Variants in SYT2 observed in about 807,000 individuals in gnomAD.
The protein encoded by SYT2 is synaptotagmin-2.
Under a neutral mutation model 39.9 loss-of-function variants are expected in SYT2, and 15 were observed. That is an observed-to-expected ratio of 0.38 (90% CI 0.25 to 0.58). The LOEUF (loss-of-function observed/expected upper bound fraction) is 0.58, where lower values mean the gene tolerates loss of function less well. SYT2 is among the 20% of genes least tolerant of loss of function. SYT2 has a pLI of 0.70. For missense variants in SYT2, 389 were observed against 530.3 expected, an observed-to-expected ratio of 0.73 and a Z score of 2.62; for synonymous variants, 181 against 204.5, an observed-to-expected ratio of 0.89 and a Z score of 0.98.
chr1:202,675,735 C>T (rs946769970), intron 1 of SYT2, among the ~76,000 whole-genome samples: 4 of 152,180 alleles, frequency 2.6e-5, no homozygotes, highest in Non-Finnish European at 4.4e-5. Flanking sequence ...TACCCCATTT[C>T]CTCTAACCGG....
At chr1:202,637,119 C>T (rs1277724816) in intron 1 of SYT2, among the ~76,000 whole-genome samples, 6 of 152,070 alleles carry the variant, frequency 3.9e-5, no homozygotes. Flanking sequence ...CCCAGGAGTT[C>T]GAGCCCAGCC....
chr1:202,612,663 G>A (rs1387161010), intron 1 of SYT2, among the ~76,000 whole-genome samples: 2 of 152,140 alleles, frequency 1.3e-5, no homozygotes, highest in Non-Finnish European at 2.9e-5. Context: ...CACTGCACCA[G>A]GCCTGTTCTT....
In SYT2 at chr1:202,599,978, C is replaced by T. The variant is rs1178788291; in HGVS notation, c.919+379G>A. Reference sequence around the variant, plus strand: ...TTGCCTCACCCTCCCCTTTCCAGGGCAGAGCCAGCAGAGCCTACAGCCTCT... The same window carrying T: ...TTGCCTCACCCTCCCCTTTCCAGGGTAGAGCCAGCAGAGCCTACAGCCTCT... On this transcript the variant is annotated intron_variant, in intron 7 of 8. Coordinates refer to ENST00000367268, the MANE Select transcript of SYT2 (RefSeq NM_177402.5). The surrounding 1 kb of genome is among the most constrained non-coding windows in gnomAD (Gnocchi z 4.4). 6.6e-6 allele frequency among the ~76,000 whole-genome samples: 1 copy of T among 152,254 alleles called. No individual in the cohort carries two copies. Among genetic ancestry groups the T allele is most frequent in the Non-Finnish European group, 1.5e-5 (1 of 68,048 alleles).
intron 1 of SYT2, among the ~76,000 whole-genome samples, chr1:202,626,398 CTTTTTTTTTTTTTTTT>C (rs58802666): frequency 1.4e-5 from 1 of 72,432 alleles, no homozygotes; most frequent in African/African-American, 4.8e-5. Context: ...AGCCTCTCAG[CTTTTTTTTTTTTTTTT>C]TTTTTTTTTT....
At position 202,596,298 on chromosome 1, in the gene SYT2, CACACACACAT is replaced by C. The variant is rs1290819461; in HGVS notation, c.*449_*458del. ...ACACACACACACACACACACACACA[CACACACACAT>C]ACACACACACACACACACACACACA... On this transcript the variant is annotated 3_prime_UTR_variant, in exon 9 of 9. Transcript: ENST00000367268. 0.078 allele frequency: 6,221 copies of C among 79,884 alleles called. 490 individuals carry two copies. Among genetic ancestry groups the C allele is most frequent in the Middle Eastern group, 0.11 (19 of 170 alleles). 4.9% of individuals were successfully genotyped at this position (79,884 alleles called of 1,614,324 possible). A position where few individuals can be genotyped will look rare whatever the true frequency, so the allele number is the denominator to read the frequency against.
At chr1:202,650,435 C>CTTTTTTTTTTTTTTTTTTTTTTTT (rs68013997) in intron 1 of SYT2, among the ~76,000 whole-genome samples, 1 of 143,262 alleles carries the variant, frequency 7.0e-6, no homozygotes. Context: ...GTTTCATATG[C>CTTTTTTTTTTTTTTTTTTTTTTTT]TTTTGTTTTT....
intron 1 of SYT2, among the ~76,000 whole-genome samples, chr1:202,709,614 C>T (rs528349861): frequency 2.0e-5 from 3 of 152,094 alleles, no homozygotes; most frequent in African/African-American, 7.2e-5. Context: ...CGTCCTAGGT[C>T]GTGCTGAGTC....
chr1:202,682,048 C>T (rs1653539868), intron 1 of SYT2, among the ~76,000 whole-genome samples: 1 of 152,194 alleles, frequency 6.6e-6, no homozygotes, highest in Admixed American at 6.5e-5. Context: ...ATCCAGCCTC[C>T]CAGACCACTC....
At chr1:202,597,675 T>C (rs1225972918) in intron 8 of SYT2, among the ~76,000 whole-genome samples, 1 of 151,946 alleles carries the variant, frequency 6.6e-6, no homozygotes, top group Non-Finnish European at 1.5e-5. Flanking sequence ...AGGAGTGTCG[T>C]GGACATTTGA....
chr1:202,660,713 G>A (rs887914756), intron 1 of SYT2, among the ~76,000 whole-genome samples: 3 of 152,046 alleles, frequency 2.0e-5, no homozygotes, highest in African/African-American at 7.2e-5. Flanking sequence ...GAACTCCTGG[G>A]CTCAAGCAAT....
intron 1 of SYT2, among the ~76,000 whole-genome samples, chr1:202,650,953 G>A (rs1298539083): frequency 1.3e-5 from 2 of 152,114 alleles, no homozygotes; most frequent in African/African-American, 2.4e-5. Flanking sequence ...TGGGCATGCC[G>A]CCTGGAGGCA....
At chr1:202,661,380 G>A (rs1460641353) in intron 1 of SYT2, among the ~76,000 whole-genome samples, 1 of 151,964 alleles carries the variant, frequency 6.6e-6, no homozygotes, top group Non-Finnish European at 1.5e-5. Flanking sequence ...AGAGATGGAT[G>A]GCTTCGCCTT....
intron 1 of SYT2, among the ~76,000 whole-genome samples, chr1:202,699,010 CT>C (rs5780118): frequency 0.17 from 16,486 of 97,504 alleles, 842 homozygotes; most frequent in East Asian, 0.29. Flanking sequence ...ACCAAACTGT[CT>C]TTTTTTTTTT....
chr1:202,683,116 A>T (rs1653566652), intron 1 of SYT2, among the ~76,000 whole-genome samples: 1 of 152,230 alleles, frequency 6.6e-6, no homozygotes, highest in Non-Finnish European at 1.5e-5. Flanking sequence ...AGGAGCAGGA[A>T]TTCGCCATCA....
At chr1:202,672,309 A>G (rs1692605717) in intron 1 of SYT2, among the ~76,000 whole-genome samples, 3 of 152,150 alleles carry the variant, frequency 2.0e-5, no homozygotes, top group African/African-American at 7.2e-5. Flanking sequence ...CCTTTGGGAG[A>G]GAATTAGGTT....
chr1:202,707,322 T>C (rs1353530358), intron 1 of SYT2, among the ~76,000 whole-genome samples: 2 of 152,182 alleles, frequency 1.3e-5, no homozygotes, highest in African/African-American at 4.8e-5. Flanking sequence ...AACCCAGGCC[T>C]GTCTATCTCC....
chr1:202,647,559 T>C (rs58060874), intron 1 of SYT2, among the ~76,000 whole-genome samples: 32,405 of 151,638 alleles, frequency 0.21, 3,531 homozygotes, highest in East Asian at 0.33. Flanking sequence ...GCTGGAAACC[T>C]CACCCCTGCC....
intron 1 of SYT2, among the ~76,000 whole-genome samples, chr1:202,640,294 C>T (rs7520131): frequency 1 from 150,392 of 150,428 alleles, 75,178 homozygotes; most frequent in Non-Finnish European, 1. Flanking sequence ...AGCAGGGTCA[C>T]GGACCAACAA....
At chr1:202,665,056 C>T (rs971835416) in intron 1 of SYT2, among the ~76,000 whole-genome samples, 5 of 151,892 alleles carry the variant, frequency 3.3e-5, no homozygotes, top group African/African-American at 1.2e-4. Context: ...CTATGATGTA[C>T]CTATTTAAGT....
Sources: gnomAD v4.1 joint callset for allele counts (sites outside exome capture counted in the v4.1 genomes callset) on GRCh38, gnomAD v4.1.1 for gene constraint, Gnocchi (gnomAD v3.1) non-coding constraint, MANE v1.5 for transcripts, NCBI Gene and HGNC (gene_info 2026-07-23, HGNC 2026-07-21) for gene names.